The following TNFRSF19 variants were observed in gnomAD, a reference collection of about 807,000 sequenced individuals.
TNFRSF19 encodes the protein TNF receptor superfamily member 19.
In TNFRSF19, 27 loss-of-function variants were observed where a neutral mutation model predicts 46.4. The observed-to-expected ratio is 0.58, with a 90% CI of 0.43 to 0.80. TNFRSF19 has a LOEUF of 0.80. Among genes scored for constraint, TNFRSF19 ranks in the 30% least tolerant of loss-of-function variants. TNFRSF19 has a pLI of 0.00. For missense variants in TNFRSF19, 511 were observed against 530.8 expected (o/e 0.96, Z 0.37); for synonymous variants, 204 against 205.0 (o/e 1.00, Z 0.04).
intron 1 of TNFRSF19, among the ~76,000 whole-genome samples, chr13:23,586,009 G>A (rs1003297931): frequency 6.6e-6 from 1 of 151,966 alleles, no homozygotes. Flanking sequence ...GGTGGCTCAC[G>A]CCTGTAATCC....
At chr13:23,631,866 C>A (rs1192817904) in intron 5 of TNFRSF19, among the ~76,000 whole-genome samples, 2 of 152,190 alleles carry the variant, frequency 1.3e-5, no homozygotes, top group African/African-American at 4.8e-5. Context: ...GAAGCCAGCT[C>A]TTGGTATCCT....
At chr13:23,586,429 G>C (rs1878845074) in intron 1 of TNFRSF19, among the ~76,000 whole-genome samples, 1 of 152,212 alleles carries the variant, frequency 6.6e-6, no homozygotes, top group African/African-American at 2.4e-5. Flanking sequence ...ACCTGTGACA[G>C]ACTGGGGGCA....
At chr13:23,580,028 A>C (rs1015167969) in intron 1 of TNFRSF19, among the ~76,000 whole-genome samples, 7 of 152,208 alleles carry the variant, frequency 4.6e-5, no homozygotes, top group Non-Finnish European at 1.0e-4. Flanking sequence ...TTCTGTGGGA[A>C]AGAGTTCCTT....
rs905239674 is a variant in TNFRSF19, at chr13:23,570,571, T to C, written c.-312T>C. On this transcript the variant is annotated 5_prime_UTR_variant, in exon 1 of 10. Transcript: ENST00000248484. ...GATCCATGTTTAACAAAAGAGTCTG[T>C]GGACTAGGAGGTGGGAGGGTAACTA... 1 of 152,152 alleles carries C rather than the reference T, an allele frequency of 6.6e-6. No homozygotes were observed. Among genetic ancestry groups the C allele is most frequent in the Non-Finnish European group, 1.5e-5 (1 of 68,016 alleles). 9.4% of individuals were successfully genotyped at this position (152,152 alleles called of 1,614,324 possible).
chr13:23,631,592 T>G (rs909796477), intron 5 of TNFRSF19, among the ~76,000 whole-genome samples: 1 of 152,260 alleles, frequency 6.6e-6, no homozygotes, highest in Admixed American at 6.5e-5. Flanking sequence ...GGTACTCATA[T>G]TTTTGTCTCT....
intron 4 of TNFRSF19, among the ~76,000 whole-genome samples, chr13:23,616,463 G>A (rs1329314628): frequency 2.0e-5 from 3 of 152,200 alleles, no homozygotes; most frequent in African/African-American, 7.2e-5. Context: ...CAGCAGAGAC[G>A]TGCCCAACCA....
intron 3 of TNFRSF19, among the ~76,000 whole-genome samples, chr13:23,613,448 T>C (rs184463398): frequency 1.3e-5 from 2 of 152,252 alleles, no homozygotes; most frequent in African/African-American, 4.8e-5. Flanking sequence ...TTCTCCTATG[T>C]TGACCTGGCT....
intron 3 of TNFRSF19, among the ~76,000 whole-genome samples, chr13:23,593,694 T>G (rs1879487212): frequency 6.6e-6 from 1 of 152,242 alleles, no homozygotes. Context: ...TTTTATATAA[T>G]TTAAAATTTG....
intron 5 of TNFRSF19, among the ~76,000 whole-genome samples, chr13:23,654,529 G>A (rs889492391): frequency 3.3e-5 from 5 of 152,196 alleles, no homozygotes; most frequent in Non-Finnish European, 7.3e-5. Context: ...CAGCTGCCAT[G>A]CACACTGGGG....
intron 1 of TNFRSF19, among the ~76,000 whole-genome samples, chr13:23,583,146 T>C (rs1878574840): frequency 6.6e-6 from 1 of 152,250 alleles, no homozygotes; most frequent in African/African-American, 2.4e-5. Flanking sequence ...TCCAAAGTGT[T>C]TGTTACACTT....
intron 1 of TNFRSF19, among the ~76,000 whole-genome samples, chr13:23,581,629 A>G (rs1878441276): frequency 6.6e-6 from 1 of 152,132 alleles, no homozygotes. Context: ...TGCTGTCCTT[A>G]ATATATTAAT....
At chr13:23,630,885 A>T (rs1342535607) in intron 5 of TNFRSF19, among the ~76,000 whole-genome samples, 2 of 152,178 alleles carry the variant, frequency 1.3e-5, no homozygotes, top group African/African-American at 4.8e-5. Flanking sequence ...TTATTTAAGT[A>T]TGTTTAACCT....
In TNFRSF19 at chr13:23,577,780, T is replaced by C. The variant is rs546830555; in HGVS notation, c.-35+6932T>C. Among the ~76,000 whole-genome samples, 11 of 152,224 alleles carry C rather than the reference T, an allele frequency of 7.2e-5. No individual in the cohort carries two copies. In the South Asian group the frequency reaches 1.5e-3, roughly 20 times the overall value. On this transcript the variant is annotated intron_variant, in intron 1 of 9. Coordinates refer to ENST00000248484, the MANE Select transcript of TNFRSF19 (RefSeq NM_148957.4). ...TCCAGAGGCGAGGCAAGGCTGGAAA[T>C]AGGTGTAGGGCTGCACCTGGACATC... is the stretch of plus-strand genomic sequence containing the variant.
In TNFRSF19 at chr13:23,616,879, T is replaced by C. The variant is rs149497263; in HGVS notation, c.359+834T>C. Among the ~76,000 whole-genome samples, 1,081 of 152,232 alleles carry C rather than the reference T, an allele frequency of 7.1e-3. 12 individuals are homozygous for C. The highest frequency in any genetic ancestry group is 0.025 in the African/African-American group (1,018 of 41,544). ...CAGGTGTGAGCCACCATGCCCGGCT[T>C]CTTATAGGGTTTTAAAAAATATTTA... On this transcript the variant is annotated intron_variant, in intron 4 of 9. Transcript: ENST00000248484.
intron 5 of TNFRSF19, among the ~76,000 whole-genome samples, chr13:23,649,960 G>A (rs1191098730): frequency 1.3e-5 from 2 of 151,972 alleles, no homozygotes; most frequent in African/African-American, 4.8e-5. Flanking sequence ...CACTTGTTTT[G>A]TGACCTAACA....
chr13:23,652,489 G>A (rs192405312), intron 5 of TNFRSF19, among the ~76,000 whole-genome samples: 157 of 152,244 alleles, frequency 1.0e-3, no homozygotes, highest in African/African-American at 3.6e-3. Flanking sequence ...TCCATGAAGC[G>A]CTACTTAAAA....
intron 3 of TNFRSF19, among the ~76,000 whole-genome samples, chr13:23,598,339 C>T (rs1879886842): frequency 6.6e-6 from 1 of 152,118 alleles, no homozygotes; most frequent in African/African-American, 2.4e-5. Context: ...ACCTATGTAA[C>T]AAACCTGCAC....
chr13:23,633,530 CT>C (rs1882483064), intron 5 of TNFRSF19, among the ~76,000 whole-genome samples: 1 of 82,826 alleles, frequency 1.2e-5, no homozygotes, highest in Non-Finnish European at 3.1e-5. Context: ...TTACAGCAAA[CT>C]CCTCATTTTC....
chr13:23,597,002 A>T (rs936469243), intron 3 of TNFRSF19, among the ~76,000 whole-genome samples: 3 of 152,242 alleles, frequency 2.0e-5, no homozygotes, highest in African/African-American at 7.2e-5. Flanking sequence ...ACTACTGGGT[A>T]AATAACAAAA....
Sources: gnomAD v4.1 joint callset for allele counts (sites outside exome capture counted in the v4.1 genomes callset) on GRCh38, gnomAD v4.1.1 for gene constraint, MANE v1.5 for transcripts, NCBI Gene and HGNC (gene_info 2026-07-23, HGNC 2026-07-21) for gene names.